NUP58: variants seen among roughly 807,000 people sequenced by gnomAD.
NUP58 encodes the protein nucleoporin p58/p45.
Under a neutral mutation model 70.1 loss-of-function variants are expected in NUP58, and 17 were observed. The observed-to-expected ratio is 0.24, with a 90% CI of 0.17 to 0.36. The LOEUF (loss-of-function observed/expected upper bound fraction) is 0.36. Ranked by LOEUF, NUP58 falls within the 10% of genes least tolerant of loss-of-function variation. The pLI is 1.00. For synonymous variants in NUP58, 275 were observed against 257.6 expected (o/e 1.07, Z -0.65); for missense variants, 644 against 701.5 (o/e 0.92, Z 0.93).
chr13:25,309,386 G>A, intron 3 of NUP58, 104 bp downstream of exon 3: 1 of 891,456 alleles, frequency 1.1e-6, no homozygotes, highest in Non-Finnish European at 1.7e-6. Flanking sequence ...CACAGAGCTG[G>A]AGTATAGAAA....
intron 1 of NUP58, among the ~76,000 whole-genome samples, chr13:25,304,609 C>T (rs1215009288): frequency 6.0e-5 from 9 of 149,318 alleles, no homozygotes; most frequent in Non-Finnish European, 8.9e-5. Flanking sequence ...CTCCACCTTA[C>T]GGGTTCAAGC....
intron 13 of NUP58, chr13:25,333,336 A>G: frequency 2.0e-6 from 2 of 985,358 alleles, no homozygotes; most frequent in Non-Finnish European, 2.4e-6. Context: ...ATGTTAGCTT[A>G]ATCTGGAGTA....
intron 3 of NUP58, among the ~76,000 whole-genome samples, chr13:25,348,431 T>C (rs1447379303): frequency 6.6e-6 from 1 of 152,180 alleles, no homozygotes; most frequent in African/African-American, 2.4e-5. Context: ...TTAATGTGGT[T>C]AGTATAAAAT....
chr13:25,344,084 T>C (rs1457869511), downstream of NUP58, among the ~76,000 whole-genome samples: 1 of 152,124 alleles, frequency 6.6e-6, no homozygotes, highest in Non-Finnish European at 1.5e-5. Flanking sequence ...GTAATCCTAA[T>C]TATAAGTCTT....
intron 3 of NUP58, among the ~76,000 whole-genome samples, chr13:25,349,221 G>C (rs2032081250): frequency 6.6e-6 from 1 of 152,154 alleles, no homozygotes; most frequent in South Asian, 2.1e-4. Flanking sequence ...TTTGCTTACG[G>C]TCTAACCAGA....
rs1380274017 is a variant in NUP58, at chr13:25,307,897, C to T, written c.199C>T (p.Leu67Phe). The part of the protein sequence containing the change: ...SAPSSGFGTG[L>F]FGSKPATGFT... ...TCCTTCAAGTGGTTTTGGAACCGGGCTCTTTGGATCTAAACCTGCCACTGG... is the reference window on the plus strand; with the variant it reads ...TCCTTCAAGTGGTTTTGGAACCGGGTTCTTTGGATCTAAACCTGCCACTGG... Residue 67 changes from leucine (L) to phenylalanine (F), a missense_variant, in exon 2 of 16, where the codon CTC becomes TTC. Leu to Phe is a conservative substitution (Grantham distance 22, BLOSUM62 0). This residue lies in a region of NUP58 where 430 missense variants were observed against 409.2 expected (regional missense o/e 1.05). Transcript: ENST00000381736. The T allele has an allele frequency of 5.0e-6, 8 of 1,614,074 alleles. No homozygotes were observed. The South Asian group carries it at 6.6e-5, about 13-fold the overall frequency.
chr13:25,331,215 C>A, intron 12 of NUP58, 142 bp from the exon 13 acceptor site: 1 of 722,718 alleles, frequency 1.4e-6, no homozygotes. Flanking sequence ...CACCAAAGTG[C>A]ATTATTAGCA....
At chr13:25,320,365 A>G (rs1181907939) in intron 7 of NUP58, 165 bp from the exon 8 acceptor site, 4 of 510,080 alleles carry the variant, frequency 7.8e-6, no homozygotes, top group African/African-American at 2.0e-5. Context: ...CCTATTTACA[A>G]TAAATTTATG....
intron 13 of NUP58, chr13:25,336,068 G>A (rs2031770091): frequency 8.3e-7 from 1 of 1,209,474 alleles, no homozygotes; most frequent in Non-Finnish European, 1.0e-6. Context: ...AGTAACAAGA[G>A]GGAAAAGGAT....
intron 2 of NUP58, 98 bp downstream of exon 2, chr13:25,308,046 TA>T: frequency 7.3e-7 from 1 of 1,364,012 alleles, no homozygotes; most frequent in Non-Finnish European, 9.9e-7. Context: ...TCACTGGTAG[TA>T]GACCTTAAAA....
intron 5 of NUP58, 77 bp downstream of exon 5, chr13:25,313,828 G>A (rs972518892): frequency 7.9e-5 from 96 of 1,217,526 alleles, no homozygotes; most frequent in Non-Finnish European, 9.8e-5. Context: ...AGTACTTTGA[G>A]CAGGTCACTT....
Position 25,301,645 on chromosome 13 carries a change from T to G in NUP58, c.-129T>G. The stretch of plus-strand genomic sequence containing the variant: ...CCCTCAGCCTTGCCTTCGCCGCCGT[T>G]GGGGCTGGAAGTTCCCGCCAGGTCC... On this transcript the variant is annotated 5_prime_UTR_variant, in exon 1 of 16. Transcript: ENST00000381736. 2 of 474,160 alleles carry G rather than the reference T, an allele frequency of 4.2e-6. No individual in the cohort carries two copies. Among genetic ancestry groups the G allele is most frequent in the Non-Finnish European group, 7.2e-6 (2 of 276,102 alleles). 29.4% of individuals were successfully genotyped at this position (474,160 alleles called of 1,614,324 possible).
intron 13 of NUP58, chr13:25,332,720 C>A: frequency 1.0e-6 from 1 of 985,398 alleles, no homozygotes; most frequent in Non-Finnish European, 1.2e-6. Flanking sequence ...GTGGCTGGAC[C>A]CATGTGAATA....
At chr13:25,320,163 A>G (rs1277409526) in intron 7 of NUP58, 1 of 162,960 alleles carries the variant, frequency 6.1e-6, no homozygotes, top group Admixed American at 6.5e-5. Flanking sequence ...ATATTTTGGA[A>G]TGGAATAAAT....
At chr13:25,344,574 A>C (rs1271201004), downstream of NUP58, among the ~76,000 whole-genome samples, 1 of 152,164 alleles carries the variant, frequency 6.6e-6, no homozygotes, top group African/African-American at 2.4e-5. Context: ...CTTTAAGATG[A>C]ACTTTAGTGT....
chr13:25,316,608 T>C (rs1201824576), intron 6 of NUP58, among the ~76,000 whole-genome samples: 4 of 152,232 alleles, frequency 2.6e-5, no homozygotes, highest in African/African-American at 9.6e-5. Context: ...TGTTTTTACT[T>C]AGTTTTCTCT....
chr13:25,306,967 C>CT (rs543219690), intron 1 of NUP58, among the ~76,000 whole-genome samples: 58 of 152,116 alleles, frequency 3.8e-4, no homozygotes, highest in African/African-American at 1.3e-3. Flanking sequence ...TTTTTCTATG[C>CT]TTTTTTTGGT....
At chr13:25,336,648 TTAG>T (rs1483308024) in intron 13 of NUP58, among the ~76,000 whole-genome samples, 1 of 152,180 alleles carries the variant, frequency 6.6e-6, no homozygotes, top group Non-Finnish European at 1.5e-5. Context: ...TTCAAATTAT[TTAG>T]TAGATTAAAC....
intron 7 of NUP58, 138 bp downstream of exon 7, chr13:25,319,488 G>T: frequency 1.5e-6 from 1 of 686,748 alleles, no homozygotes. Flanking sequence ...TTCGTTAAAA[G>T]TAAAATAATA....
Sources: allele counts gnomAD v4.1 joint callset (sites outside exome capture counted in the v4.1 genomes callset), GRCh38; gene constraint gnomAD v4.1.1; regional missense constraint gnomAD v4.1.1; transcripts MANE v1.5; gene names NCBI Gene and HGNC (gene_info 2026-07-23, HGNC 2026-07-21).